Variants in CHN1 observed in about 807,000 individuals in gnomAD.
CHN1 encodes the protein chimerin 1.
In CHN1, 37 loss-of-function variants were observed where a neutral mutation model predicts 59.5. The observed-to-expected ratio is 0.62, with a 90% CI of 0.48 to 0.82. The LOEUF (loss-of-function observed/expected upper bound fraction) is 0.82. Among genes scored for constraint, CHN1 ranks in the 40% least tolerant of loss-of-function variants. The pLI is 0.00. For synonymous variants in CHN1, 206 were observed against 200.4 expected (o/e 1.03, Z -0.24); for missense variants, 469 against 571.0 (o/e 0.82, Z 1.82).
intron 3 of CHN1, among the ~76,000 whole-genome samples, chr2:174,933,720 A>C (rs765023589): frequency 6.6e-6 from 1 of 152,252 alleles, no homozygotes; most frequent in African/African-American, 2.4e-5. Flanking sequence ...GGGCTGACGA[A>C]AATGATCTTG....
intron 6 of CHN1, among the ~76,000 whole-genome samples, chr2:174,862,553 A>G (rs1234932036): frequency 6.6e-6 from 1 of 152,088 alleles, no homozygotes; most frequent in Non-Finnish European, 1.5e-5. Context: ...GGATGGTCTC[A>G]ATCTCCTAAC....
chr2:174,979,539 G>A (rs145818213), intron 1 of CHN1, among the ~76,000 whole-genome samples: 330 of 152,282 alleles, frequency 2.2e-3, no homozygotes, highest in Non-Finnish European at 3.9e-3. Flanking sequence ...ATAGGGCTGG[G>A]CGCGGTGGCT....
chr2:175,005,284 C>CG lies in CHN1; in HGVS notation c.-373dup. 8.5e-7 allele frequency: 1 copy of CG among 1,176,478 alleles called. No individual in the cohort carries two copies. The highest frequency in any genetic ancestry group is 1.9e-5 in the South Asian group (1 of 52,384). 72.9% of individuals were successfully genotyped at this position (1,176,478 alleles called of 1,614,324 possible). On this transcript the variant is annotated 5_prime_UTR_variant, in exon 1 of 13. The change creates a premature stop within an existing upstream ORF in the 5' untranslated region. Coordinates refer to ENST00000409900, the MANE Select transcript of CHN1 (RefSeq NM_001822.7). ...GCACTGGCGGCGGCGGCGGCGGCGA[C>CG]GGGGAGAGCAGCAGCAGCCTCGCAC... is the stretch of plus-strand genomic sequence containing the variant.
In CHN1 at chr2:174,969,770, T is replaced by G. The variant is rs151318661; in HGVS notation, c.20-17568A>C. Among the ~76,000 whole-genome samples the G allele has an allele frequency of 3.7e-3, 565 of 152,288 alleles. 4 individuals are homozygous for G. Among genetic ancestry groups the G allele is most frequent in the African/African-American group, 0.013 (541 of 41,542 alleles). On this transcript the variant is annotated intron_variant, in intron 1 of 12. Transcript: ENST00000409900. ...TCAATTTTATATTGTTGTTTGTCTCTCTACACCAGAAGGTAAGCTCGATGA... is the reference window on the plus strand; with the variant it reads ...TCAATTTTATATTGTTGTTTGTCTCGCTACACCAGAAGGTAAGCTCGATGA...
intron 3 of CHN1, among the ~76,000 whole-genome samples, chr2:174,926,913 A>T (rs924516928): frequency 6.6e-6 from 1 of 151,912 alleles, no homozygotes; most frequent in African/African-American, 2.4e-5. Flanking sequence ...GCCCGCCACC[A>T]CGCCCAGCTA....
intron 3 of CHN1, 67 bp from the exon 4 acceptor site, chr2:174,918,632 T>C: frequency 7.8e-7 from 1 of 1,275,722 alleles, no homozygotes; most frequent in Admixed American, 2.3e-5. Context: ...AACTCAACAT[T>C]TTGTGCATGT....
At chr2:174,842,470 CTATAAT>C (rs1686346691) in intron 7 of CHN1, among the ~76,000 whole-genome samples, 1 of 152,062 alleles carries the variant, frequency 6.6e-6, no homozygotes, top group Non-Finnish European at 1.5e-5. Context: ...TCACAATACA[CTATAAT>C]TAAGTCCGAG....
rs145165269 is a variant in CHN1, at chr2:174,878,825, G to A, written c.261-697C>T. Among the ~76,000 whole-genome samples, 122 of 152,336 alleles carry A rather than the reference G, an allele frequency of 8.0e-4. No homozygotes were observed. In the East Asian group the frequency reaches 0.023, roughly 28 times the overall value. On this transcript the variant is annotated intron_variant, in intron 5 of 12. Coordinates refer to ENST00000409900, the MANE Select transcript of CHN1 (RefSeq NM_001822.7). ...TAAGCTATTGGACTATAGAAATTCTGTTTTCAATTTTATGTTCTGATGATG... is the reference window on the plus strand; with the variant it reads ...TAAGCTATTGGACTATAGAAATTCTATTTTCAATTTTATGTTCTGATGATG...
At chr2:174,824,581 C>A in intron 7 of CHN1, 63 bp from the exon 8 acceptor site, 1 of 912,086 alleles carries the variant, frequency 1.1e-6, no homozygotes, top group South Asian at 1.4e-5. Flanking sequence ...AAGACTGCTT[C>A]ATATCAAAGC....
At chr2:174,833,251 AT>A (rs1227033330) in intron 7 of CHN1, among the ~76,000 whole-genome samples, 15 of 152,244 alleles carry the variant, frequency 9.9e-5, no homozygotes, top group Admixed American at 9.8e-4. Context: ...TGCACCTGTT[AT>A]TAGGTACATA....
chr2:174,879,791 T>G (rs904001056), intron 5 of CHN1, among the ~76,000 whole-genome samples: 2 of 152,198 alleles, frequency 1.3e-5, no homozygotes, highest in Non-Finnish European at 2.9e-5. Context: ...TTACTCCTGC[T>G]GGGACTTACG....
rs1688916460 is a variant in CHN1, at chr2:174,918,577, G to A, written c.115-12C>T. On this transcript the variant is annotated splice_polypyrimidine_tract_variant and intron_variant, in intron 3 of 12. Transcript: ENST00000409900. ...GGTCTGTTTTCCACCTATTGGGAAA[G>A]CAAAAAAACAGGCATATTTGTAAAA... 2 of 1,584,208 alleles carry A rather than the reference G, an allele frequency of 1.3e-6. No homozygotes were observed. Among genetic ancestry groups the A allele is most frequent in the Admixed American group, 1.8e-5 (1 of 56,050 alleles).
chr2:174,893,799 C>T (rs1688126076), intron 5 of CHN1, among the ~76,000 whole-genome samples: 1 of 152,088 alleles, frequency 6.6e-6, no homozygotes, highest in Admixed American at 6.6e-5. Context: ...TGAAAGAGAA[C>T]AGAGAGCTCA....
chr2:174,980,438 CCA>C (rs1227796189), intron 1 of CHN1, among the ~76,000 whole-genome samples: 2 of 152,026 alleles, frequency 1.3e-5, no homozygotes, highest in Non-Finnish European at 1.5e-5. Flanking sequence ...ATAAAAATAC[CCA>C]GAGTCCTGTT....
intron 8 of CHN1, among the ~76,000 whole-genome samples, chr2:174,816,342 CTGCTATTGCAAGGTGGTGG>C (rs1685260449): frequency 1.3e-5 from 2 of 152,212 alleles, no homozygotes; most frequent in Admixed American, 1.3e-4. Context: ...GAGTGCACCA[CTGCTATTGCAAGGTGGTGG>C]TGGAAAACTG....
Position 174,799,901 on chromosome 2 carries a change from T to TA in CHN1, c.*214dup, listed in dbSNP as rs574270883. On this transcript the variant is annotated 3_prime_UTR_variant, in exon 13 of 13. Transcript: ENST00000409900. ...ATAGCTTGAGTTTCTCTGAACGTGA[T>TA]AAACACCCAGGATTACTAGAACCAG... is the stretch of plus-strand genomic sequence containing the variant. 242 of 650,668 alleles carry TA rather than the reference T, an allele frequency of 3.7e-4. 2 individuals are homozygous for TA. In the Middle Eastern group the frequency reaches 5.2e-3, roughly 14 times the overall value. 40.3% of individuals were successfully genotyped at this position (650,668 alleles called of 1,614,324 possible). A position where few individuals can be genotyped will look rare whatever the true frequency, so the allele number is the denominator to read the frequency against.
At chr2:174,811,243 T>C in intron 10 of CHN1, 1 of 309,478 alleles carries the variant, frequency 3.2e-6, no homozygotes, top group Non-Finnish European at 6.0e-6. Context: ...GTAATTGCTC[T>C]GTATGTATTT....
chr2:174,847,572 C>G (rs1039318243), intron 6 of CHN1: 35 of 1,276,602 alleles, frequency 2.7e-5, no homozygotes, highest in Admixed American at 9.5e-5. Context: ...TTTCTAGCAA[C>G]AGACACCCTA....
chr2:174,824,802 G>C (rs1318812724), intron 7 of CHN1, among the ~76,000 whole-genome samples: 1 of 152,012 alleles, frequency 6.6e-6, no homozygotes, highest in African/African-American at 2.4e-5. Context: ...GTAGAGACAG[G>C]GTTTTACCAT....
Sources: gnomAD v4.1 joint callset for allele counts (sites outside exome capture counted in the v4.1 genomes callset) on GRCh38, gnomAD v4.1.1 for gene constraint, MANE v1.5 for transcripts, NCBI Gene and HGNC (gene_info 2026-07-23, HGNC 2026-07-21) for gene names.